PRRC2B: variants seen among roughly 807,000 people sequenced by gnomAD.
The protein encoded by PRRC2B is proline rich coiled-coil 2B, also known as protein PRRC2B.
PRRC2B carries 68 observed loss-of-function variants against 242.3 expected under a neutral mutation model. That is an observed-to-expected ratio of 0.28 (90% CI 0.23 to 0.34). The LOEUF (loss-of-function observed/expected upper bound fraction) is 0.34, where lower values mean the gene tolerates loss of function less well. Among genes scored for constraint, PRRC2B ranks in the 10% least tolerant of loss-of-function variants. The pLI, the probability that PRRC2B is intolerant of heterozygous loss-of-function variation, is 1.00. For synonymous variants in PRRC2B, 1,228 were observed against 1,173.6 expected, an observed-to-expected ratio of 1.05 and a Z score of -0.95; for missense variants, 2,835 against 2,954.8, an observed-to-expected ratio of 0.96 and a Z score of 0.94.
rs1943429059 is a variant in PRRC2B, at chr9:131,467,436, T to G, written c.1721-127T>G. The stretch of plus-strand genomic sequence containing the variant: ...GATGCGTTTGGCACAGGGCCAGGGT[T>G]CAGGGACGTGACTGTTCTAGCAGTG... On this transcript the variant is annotated intron_variant, in intron 12 of 31. Transcript: ENST00000683519. 4.9e-6 allele frequency: 4 copies of G among 816,688 alleles called. No homozygotes were observed. In the East Asian group the frequency reaches 1.1e-4, roughly 22 times the overall value. 50.6% of individuals were successfully genotyped at this position (816,688 alleles called of 1,614,324 possible).
chr9:131,469,108 C>A (rs10751477), intron 13 of PRRC2B, among the ~76,000 whole-genome samples: 134,561 of 152,164 alleles, frequency 0.88, 59,954 homozygotes, highest in South Asian at 0.97. Context: ...GGGAGGCAGA[C>A]AGATCACCTG....
At position 131,482,722 on chromosome 9, in the gene PRRC2B, G is replaced by C. The variant is rs1943904857; in HGVS notation, c.5188G>C (p.Gly1730Arg). 1 of 1,581,098 alleles carries C rather than the reference G, an allele frequency of 6.3e-7. No individual in the cohort carries two copies. Among genetic ancestry groups the C allele is most frequent in the African/African-American group, 1.4e-5 (1 of 73,342 alleles). ...KPSEQKDSEQGSGQSKEHRPG... is the reference protein window; with the variant it reads ...KPSEQKDSEQRSGQSKEHRPG... The stretch of plus-strand genomic sequence containing the variant: ...CTTTTTTATCAAGGATTCAGAACAA[G>C]GCTCTGGACAGAGCAAGGAGCACAG... Residue 1730 changes from glycine to arginine, a missense_variant, in exon 22 of 32, where the codon GGC becomes CGC. By Grantham distance (125) the Gly-to-Arg change is moderately radical. Around this residue, in one of 7 missense-constraint regions of PRRC2B, gnomAD observed 51 missense variants for 45.1 expected, o/e 1.13. Transcript: ENST00000683519. This position sits in a 1 kb window ranked among gnomAD's most constrained non-coding sequence, Gnocchi z 5.2.
intron 18 of PRRC2B, 109 bp from the exon 19 acceptor site, chr9:131,479,143 G>C (rs779457002): frequency 8.8e-7 from 1 of 1,132,852 alleles, no homozygotes; most frequent in Non-Finnish European, 1.3e-6. Context: ...ACACATCTCT[G>C]GAGCATTTTC....
Position 131,475,137 on chromosome 9 carries a change from T to C in PRRC2B, c.3008T>C (p.Leu1003Ser), listed in dbSNP as rs769438266. Residue 1003 changes from leucine (L) to serine (S), a missense_variant, in exon 16 of 32, where the codon TTG becomes TCG. Physicochemically the swap from Leu to Ser is moderately radical, Grantham distance 145. Transcript: ENST00000683519. ...CTGGCCAACTCCTCCACCACCACTTTGGAGGACAAAGGCCCTGGCCATGCC... is the reference window on the plus strand; with the variant it reads ...CTGGCCAACTCCTCCACCACCACTTCGGAGGACAAAGGCCCTGGCCATGCC... ...ASLANSSTTT[L>S]EDKGPGHATF... 2.5e-6 allele frequency: 4 copies of C among 1,612,954 alleles called. No homozygotes were observed. In the Admixed American group the frequency reaches 6.7e-5, roughly 27 times the overall value.
At position 131,477,844 on chromosome 9, in the gene PRRC2B, C is replaced by G. The variant is rs546374238; in HGVS notation, c.4507C>G (p.Leu1503Val). ...GCGGGCAGCCCATGCCAGTGCTGAC[C>G]TTCCCGAAGCCTCCAGTAAAAAGGC... ...LERAAHASAD[L>V]PEASSKKAEK... Residue 1503 changes from leucine to valine, a missense_variant, in exon 17 of 32, where the codon CTT becomes GTT. Around this residue, in one of 7 missense-constraint regions of PRRC2B, gnomAD observed 1,536 missense variants for 1,483.1 expected, o/e 1.04. Transcript: ENST00000683519. The G allele has an allele frequency of 1.9e-6, 3 of 1,613,840 alleles. No homozygotes were observed. Among genetic ancestry groups the G allele is most frequent in the Admixed American group, 1.7e-5 (1 of 60,020 alleles).
chr9:131,488,387 C>A (rs1944087573), intron 28 of PRRC2B, among the ~76,000 whole-genome samples: 1 of 152,128 alleles, frequency 6.6e-6, no homozygotes, highest in Non-Finnish European at 1.5e-5. Context: ...CCTCAGCCTC[C>A]TGAGTAGCTG....
intron 1 of PRRC2B, among the ~76,000 whole-genome samples, chr9:131,385,732 C>G (rs531351682): frequency 6.6e-6 from 1 of 150,440 alleles, no homozygotes; most frequent in South Asian, 2.1e-4. Flanking sequence ...CTCGCCTTGT[C>G]GCCCAGGCTG....
At chr9:131,416,793 A>T (rs945958417) in intron 1 of PRRC2B, among the ~76,000 whole-genome samples, 6 of 152,162 alleles carry the variant, frequency 3.9e-5, no homozygotes, top group Admixed American at 2.0e-4. Context: ...CTTCATGATT[A>T]TCCTGAGGTT....
intron 9 of PRRC2B, among the ~76,000 whole-genome samples, chr9:131,452,743 G>A (rs1170892146): frequency 1.3e-5 from 2 of 151,952 alleles, no homozygotes; most frequent in South Asian, 2.1e-4. Context: ...TTTTTATTAC[G>A]GGGACATTTC....
intron 18 of PRRC2B, 73 bp from the exon 19 acceptor site, chr9:131,479,179 G>T: frequency 6.7e-7 from 1 of 1,490,516 alleles, no homozygotes; most frequent in Non-Finnish European, 9.2e-7. Context: ...TGGTACCTGG[G>T]ATACTTATCC....
At chr9:131,406,398 C>G (rs1456619077) in intron 1 of PRRC2B, among the ~76,000 whole-genome samples, 1 of 152,034 alleles carries the variant, frequency 6.6e-6, no homozygotes, top group East Asian at 1.9e-4. Flanking sequence ...GTGTTGTGTT[C>G]TTGGGGAGTT....
intron 1 of PRRC2B, among the ~76,000 whole-genome samples, chr9:131,397,563 G>GTTTTTTTTTTTTTTTT (rs58424444): frequency 4.0e-5 from 4 of 98,990 alleles, no homozygotes; most frequent in African/African-American, 4.2e-5. Context: ...ACTTTTGAGG[G>GTTTTTTTTTTTTTTTT]TTTTTTTTTT....
upstream of PRRC2B, among the ~76,000 whole-genome samples, chr9:131,392,875 G>T (rs191301917): frequency 2.4e-4 from 36 of 148,134 alleles, no homozygotes; most frequent in African/African-American, 8.5e-4. Flanking sequence ...ATTGCGGATT[G>T]TGCCACTGCA....
rs1049160175 is a variant in PRRC2B at position 131,464,783 on chromosome 9, G to A, written c.1425G>A (p.Met475Ile). The part of the protein sequence containing the change: ...PDYQKSSMGS[M>I]FRQQSIEDKE... ...GGCAGAAGTCATCAATGGGCAGCAT[G>A]TTCCGGCAACAGTCCATCGAGGACA... Residue 475 changes from methionine (M) to isoleucine (I), a missense_variant, in exon 12 of 32, where the codon ATG becomes ATA. Transcript: ENST00000683519. 6 of 1,600,274 alleles carry A rather than the reference G, an allele frequency of 3.7e-6. No individual in the cohort carries two copies. Among genetic ancestry groups the A allele is most frequent in the African/African-American group, 2.7e-5 (2 of 74,590 alleles).
rs555977509 is a variant in PRRC2B at position 131,446,241 on chromosome 9, A to G, written c.614-160A>G. 7.2e-5 allele frequency among the ~76,000 whole-genome samples: 11 copies of G among 152,156 alleles called. No individual in the cohort carries two copies. Among genetic ancestry groups the G allele is most frequent in the Non-Finnish European group, 1.5e-4 (10 of 67,978 alleles). On this transcript the variant is annotated intron_variant, in intron 6 of 31. Coordinates refer to ENST00000683519, the MANE Select transcript of PRRC2B (RefSeq NM_013318.4). This position sits in a 1 kb window ranked among gnomAD's most constrained non-coding sequence, Gnocchi z 4.1. ...CCTCATTGGCCAGGGGTCTGCCCCA[A>G]CCTTCCCTGACAGATTTAACAGTTC...
intron 9 of PRRC2B, among the ~76,000 whole-genome samples, chr9:131,448,499 G>T (rs1838879465): frequency 7.9e-6 from 1 of 126,574 alleles, no homozygotes; most frequent in Admixed American, 9.4e-5. Flanking sequence ...AGCCAAGATC[G>T]CACCACTGCA....
chr9:131,394,012 G>A (rs1230312742), upstream of PRRC2B: 1 of 150,846 alleles, frequency 6.6e-6, no homozygotes, highest in Non-Finnish European at 1.5e-5. Context: ...GGGCGGCGGC[G>A]GGAGGAGGAG....
intron 30 of PRRC2B, among the ~76,000 whole-genome samples, chr9:131,493,497 A>C (rs1304773461): frequency 6.6e-6 from 1 of 152,248 alleles, no homozygotes; most frequent in Non-Finnish European, 1.5e-5. Flanking sequence ...CAAAAAGCAA[A>C]ACCCAGAGAC....
chr9:131,494,454 A>C lies in PRRC2B; in HGVS notation c.6523A>C (p.Met2175Leu), dbSNP rs1184546669. The change falls in exon 31 of 32, where the codon ATG (methionine) becomes CTG (leucine). Residue 2175 changes from methionine (M) to leucine (L), a missense_variant. Around this residue, in one of 7 missense-constraint regions of PRRC2B, gnomAD observed 574 missense variants for 626.0 expected, o/e 0.92. Coordinates refer to ENST00000683519, the MANE Select transcript of PRRC2B (RefSeq NM_013318.4). The surrounding 1 kb of genome is among the most constrained non-coding windows in gnomAD (Gnocchi z 4.3). Reference protein sequence around the residue: ...SGKPSGSAVNMGSVQGHYVQQ... With the variant: ...SGKPSGSAVNLGSVQGHYVQQ... ...GAAGCCCTCTGGATCAGCAGTTAAC[A>C]TGGGCTCTGTGCAGGGACACTACGT... The C allele has an allele frequency of 6.2e-7, 1 of 1,606,318 alleles. No individual in the cohort carries two copies. The highest frequency in any genetic ancestry group is 1.1e-5 in the South Asian group (1 of 89,582).
Sources: allele counts gnomAD v4.1 joint callset (sites outside exome capture counted in the v4.1 genomes callset), GRCh38; gene constraint gnomAD v4.1.1; regional missense constraint gnomAD v4.1.1; non-coding constraint Gnocchi (gnomAD v3.1); transcripts MANE v1.5; gene names NCBI Gene and HGNC (gene_info 2026-07-23, HGNC 2026-07-21).